BABAM2: variants seen among roughly 807,000 people sequenced by gnomAD.
The protein encoded by BABAM2 is BRISC and BRCA1-A complex member 2.
A neutral mutation model predicts 54.7 loss-of-function variants in BABAM2; 31 were observed. The observed-to-expected ratio is 0.57, with a 90% confidence interval of 0.43 to 0.77. The LOEUF (loss-of-function observed/expected upper bound fraction) is 0.77, where lower values mean the gene tolerates loss of function less well. Ranked by LOEUF, BABAM2 falls within the 30% of genes least tolerant of loss-of-function variation. The probability of loss-of-function intolerance (pLI) is 0.00; values close to 1 mark genes in which losing one functional copy is unlikely to be tolerated. For missense variants in BABAM2, 364 were observed against 455.8 expected, an observed-to-expected ratio of 0.80 and a Z score of 1.83; for synonymous variants, 167 against 162.9, an observed-to-expected ratio of 1.03 and a Z score of -0.19.
chr2:27,974,203 CA>C (rs1276264906), intron 3 of BABAM2, among the ~76,000 whole-genome samples: 1 of 152,086 alleles, frequency 6.6e-6, no homozygotes, highest in African/African-American at 2.4e-5. Context: ...ATGAGGCTGA[CA>C]TTTTTCTGAT....
chr2:27,918,169 T>A (rs1238013958), intron 2 of BABAM2, among the ~76,000 whole-genome samples: 1 of 152,204 alleles, frequency 6.6e-6, no homozygotes, highest in Non-Finnish European at 1.5e-5. Context: ...TTAAGTATAT[T>A]TACATTGTAG....
chr2:28,254,162 G>A (rs931578564), intron 10 of BABAM2, among the ~76,000 whole-genome samples: 2 of 152,164 alleles, frequency 1.3e-5, no homozygotes, highest in Non-Finnish European at 2.9e-5. Context: ...AGTAGGAACT[G>A]TGGCAAACTG....
chr2:28,166,975 A>T (rs1235060969), intron 7 of BABAM2, among the ~76,000 whole-genome samples: 2 of 152,192 alleles, frequency 1.3e-5, no homozygotes, highest in Non-Finnish European at 2.9e-5. Flanking sequence ...TTGGAAATAG[A>T]TTGAGACTGG....
chr2:27,936,826 A>G (rs1399931176), intron 3 of BABAM2, among the ~76,000 whole-genome samples: 2 of 152,138 alleles, frequency 1.3e-5, no homozygotes, highest in African/African-American at 4.8e-5. Flanking sequence ...GAGGGATAGC[A>G]TTAGGAGATA....
At chr2:28,051,427 A>G (rs1455240542) in intron 6 of BABAM2, among the ~76,000 whole-genome samples, 1 of 152,186 alleles carries the variant, frequency 6.6e-6, no homozygotes, top group Non-Finnish European at 1.5e-5. Flanking sequence ...GTTTATTTGG[A>G]GGTATTGACA....
chr2:27,930,674 C>T (rs1277934593), intron 3 of BABAM2, among the ~76,000 whole-genome samples: 2 of 152,182 alleles, frequency 1.3e-5, no homozygotes, highest in Middle Eastern at 6.3e-3. Flanking sequence ...GTTCCTGGAC[C>T]ATAAGTTATT....
Position 28,129,336 on chromosome 2 carries a change from C to T in BABAM2, c.636C>T (p.Ala212=). The T allele has an allele frequency of 6.2e-7, 1 of 1,614,142 alleles. No homozygotes were observed. Among genetic ancestry groups the T allele is most frequent in the Non-Finnish European group, 8.5e-7 (1 of 1,179,994 alleles). The change falls in exon 7 of 12, where the codon GCC becomes GCT. Residue 212 remains alanine (A), a synonymous_variant. Transcript: ENST00000379624. ...LLSVSFEDTE[A]TQVYPKLYLS... is the part of the protein sequence containing the mutation. ...CTGTTAGTTTTGAGGACACTGAAGC[C>T]ACCCAGGTGTACCCCAAGCTGTACT...
chr2:28,109,633 T>A (rs1179610899), intron 6 of BABAM2, among the ~76,000 whole-genome samples: 2 of 152,216 alleles, frequency 1.3e-5, no homozygotes, highest in Non-Finnish European at 2.9e-5. Context: ...ATTATACCAA[T>A]GGCACAGCTT....
intron 10 of BABAM2, among the ~76,000 whole-genome samples, chr2:28,251,478 G>A (rs1468662023): frequency 6.6e-6 from 1 of 152,152 alleles, no homozygotes; most frequent in African/African-American, 2.4e-5. Flanking sequence ...GAAATTATTT[G>A]CATTGATGTC....
chr2:28,201,159 AGT>A (rs143023331), intron 7 of BABAM2, among the ~76,000 whole-genome samples: 2,672 of 152,306 alleles, frequency 0.018, 69 homozygotes, highest in African/African-American at 0.061. Context: ...TTTAAAAAGT[AGT>A]ACATTATTGT....
At chr2:28,274,603 T>C (rs1685709616) in intron 10 of BABAM2, among the ~76,000 whole-genome samples, 1 of 152,150 alleles carries the variant, frequency 6.6e-6, no homozygotes, top group African/African-American at 2.4e-5. Flanking sequence ...GCTAATTTTT[T>C]GTGTTTTTAG....
At chr2:28,274,450 C>G (rs1685699177) in intron 10 of BABAM2, among the ~76,000 whole-genome samples, 1 of 152,082 alleles carries the variant, frequency 6.6e-6, no homozygotes, top group South Asian at 2.1e-4. Flanking sequence ...TTTTTTGAGA[C>G]AGAATCTCAT....
intron 9 of BABAM2, 120 bp downstream of exon 9, chr2:28,241,513 T>C (rs1320153636): frequency 4.3e-6 from 4 of 927,236 alleles, no homozygotes; most frequent in African/African-American, 3.3e-5. Context: ...TTTTTTTTTT[T>C]TGAGACAGTC....
chr2:28,318,215 C>T (rs1689728384), intron 11 of BABAM2, among the ~76,000 whole-genome samples: 1 of 152,156 alleles, frequency 6.6e-6, no homozygotes, highest in Admixed American at 6.5e-5. Flanking sequence ...GAAGGAGCGA[C>T]CTCATCTCTT....
chr2:28,287,342 C>A (rs978419666), intron 10 of BABAM2, among the ~76,000 whole-genome samples: 2 of 152,114 alleles, frequency 1.3e-5, no homozygotes, highest in African/African-American at 2.4e-5. Flanking sequence ...TGACTCAATT[C>A]TTTTAAAAAT....
At chr2:28,183,756 C>CACACAT (rs1177231971) in intron 7 of BABAM2, among the ~76,000 whole-genome samples, 1 of 108,160 alleles carries the variant, frequency 9.2e-6, no homozygotes, top group Non-Finnish European at 2.5e-5. Context: ...CACACACACA[C>CACACAT]ACACACACAC....
At chr2:27,942,518 A>G (rs922995522) in intron 3 of BABAM2, among the ~76,000 whole-genome samples, 1 of 145,172 alleles carries the variant, frequency 6.9e-6, no homozygotes, top group Non-Finnish European at 1.5e-5. Flanking sequence ...ACACCACCAC[A>G]CCCGCTAATT....
chr2:28,053,759 G>A (rs909393322), intron 6 of BABAM2, among the ~76,000 whole-genome samples: 8 of 152,114 alleles, frequency 5.3e-5, no homozygotes, highest in East Asian at 1.9e-4. Flanking sequence ...TAAAGGGCAA[G>A]ATAGTAAAAT....
At chr2:28,114,832 A>C (rs1668469695) in intron 6 of BABAM2, among the ~76,000 whole-genome samples, 1 of 151,974 alleles carries the variant, frequency 6.6e-6, no homozygotes, top group Admixed American at 6.5e-5. Context: ...GAAATGGCCT[A>C]TTCTGCCCAA....
Sources: gnomAD v4.1 joint callset for allele counts (sites outside exome capture counted in the v4.1 genomes callset) on GRCh38, gnomAD v4.1.1 for gene constraint, MANE v1.5 for transcripts, NCBI Gene and HGNC (gene_info 2026-07-23, HGNC 2026-07-21) for gene names.